ITGB3BP: variants seen among roughly 807,000 people sequenced by gnomAD.
The protein encoded by ITGB3BP is centromere protein R.
ITGB3BP carries 27 observed loss-of-function variants against 29.1 expected under a neutral mutation model. The observed-to-expected ratio is 0.93, with a 90% CI of 0.68 to 1.28. The LOEUF (loss-of-function observed/expected upper bound fraction) is 1.28. ITGB3BP is among the 50% of genes most tolerant of loss of function. The probability of loss-of-function intolerance (pLI) is 0.00; values close to 1 mark genes in which losing one functional copy is unlikely to be tolerated. For synonymous variants in ITGB3BP, 61 were observed against 61.4 expected, an observed-to-expected ratio of 0.99 and a Z score of 0.03; for missense variants, 192 against 200.2, an observed-to-expected ratio of 0.96 and a Z score of 0.25.
At chr1:63,444,644 TCTC>T (rs1481431423) in intron 8 of ITGB3BP, among the ~76,000 whole-genome samples, 6 of 114,680 alleles carry the variant, frequency 5.2e-5, no homozygotes, top group East Asian at 2.9e-4. Flanking sequence ...TATATATATA[TCTC>T]CTATTACAAT....
chr1:63,485,526 A>G (rs1645511465), intron 3 of ITGB3BP, among the ~76,000 whole-genome samples: 1 of 151,618 alleles, frequency 6.6e-6, no homozygotes, highest in Non-Finnish European at 1.5e-5. Flanking sequence ...CTTTATAGTC[A>G]GCAAAACTTG....
At chr1:63,462,163 A>C (rs1188624265) in intron 4 of ITGB3BP, among the ~76,000 whole-genome samples, 1 of 152,200 alleles carries the variant, frequency 6.6e-6, no homozygotes. Context: ...TTCAAAAATG[A>C]ATTGTAGTTT....
intron 7 of ITGB3BP, 168 bp downstream of exon 7, chr1:63,453,750 T>C (rs1644893474): frequency 1.9e-6 from 1 of 530,022 alleles, no homozygotes; most frequent in Non-Finnish European, 3.3e-6. Context: ...CTAAATGCAA[T>C]ATAAAGCTTT....
chr1:63,493,417 A>AAAACAAAC (rs60111018), intron 2 of ITGB3BP, among the ~76,000 whole-genome samples: 426 of 145,582 alleles, frequency 2.9e-3, no homozygotes, highest in East Asian at 0.011. Flanking sequence ...TCTGTCTCAA[A>AAAACAAAC]AAACAAACAA....
At chr1:63,472,891 C>T (rs893406515) in intron 4 of ITGB3BP, among the ~76,000 whole-genome samples, 61 of 152,048 alleles carry the variant, frequency 4.0e-4, no homozygotes, top group African/African-American at 1.3e-3. Context: ...TCTGCCCAGC[C>T]GCCACCCCGT....
chr1:63,454,367 CA>C lies in ITGB3BP; in HGVS notation c.427+12del, dbSNP rs764474456. The C allele has an allele frequency of 2.8e-6, 4 of 1,427,740 alleles. No homozygotes were observed. The African/African-American group carries it at 4.3e-5, about 15-fold the overall frequency. 88.4% of individuals were successfully genotyped at this position (1,427,740 alleles called of 1,614,324 possible). A position where few individuals can be genotyped will look rare whatever the true frequency, so the allele number is the denominator to read the frequency against. On this transcript the variant is annotated intron_variant, in intron 6 of 8. Transcript: ENST00000271002. The surrounding 1 kb of genome is among the most constrained non-coding windows in gnomAD (Gnocchi z 4.1). ...TTTAAAATTACTGTCATTGAAAACT[CA>C]AAAATTCTTACTTAGTTCTTTGGTT...
At chr1:63,452,625 TTTTC>T (rs764398778) in intron 7 of ITGB3BP, among the ~76,000 whole-genome samples, 24 of 15,844 alleles carry the variant, frequency 1.5e-3, no homozygotes, top group African/African-American at 1.6e-3. Context: ...TTTCTTTTTC[TTTTC>T]TTTCTTTTTT....
upstream of ITGB3BP, chr1:63,523,371 C>G: frequency 1.7e-6 from 1 of 594,054 alleles, no homozygotes. Context: ...GCTGGTGTAA[C>G]AGAGCACCTT....
chr1:63,512,221 G>A (rs1038693257), intron 1 of ITGB3BP, among the ~76,000 whole-genome samples: 1 of 152,118 alleles, frequency 6.6e-6, no homozygotes, highest in Non-Finnish European at 1.5e-5. Flanking sequence ...CAATTTTATA[G>A]AGAGAGTAAC....
At chr1:63,447,967 G>A (rs1644809123) in intron 7 of ITGB3BP, among the ~76,000 whole-genome samples, 1 of 151,710 alleles carries the variant, frequency 6.6e-6, no homozygotes, top group Admixed American at 6.6e-5. Context: ...AAGAAAATGT[G>A]GCACATATAC....
At chr1:63,446,087 C>T (rs1351137290) in intron 8 of ITGB3BP, among the ~76,000 whole-genome samples, 2 of 151,848 alleles carry the variant, frequency 1.3e-5, no homozygotes, top group East Asian at 1.9e-4. Context: ...TTAGTAGAGA[C>T]GGGGTTTCAC....
intron 4 of ITGB3BP, among the ~76,000 whole-genome samples, chr1:63,472,812 T>C (rs1367859588): frequency 4.0e-5 from 6 of 151,782 alleles, no homozygotes; most frequent in Admixed American, 6.6e-5. Flanking sequence ...AGTGGCGTGA[T>C]CTCGGCTCGC....
At chr1:63,513,976 T>A (rs2100800127) in intron 1 of ITGB3BP, among the ~76,000 whole-genome samples, 1 of 152,270 alleles carries the variant, frequency 6.6e-6, no homozygotes, top group South Asian at 2.1e-4. Context: ...TCCCTGAAAC[T>A]CACATCCATA....
At chr1:63,481,085 CT>C (rs1645429275) in intron 3 of ITGB3BP, among the ~76,000 whole-genome samples, 1 of 152,048 alleles carries the variant, frequency 6.6e-6, no homozygotes, top group Admixed American at 6.5e-5. Context: ...TACTTTGCTC[CT>C]TTAACTTGTA....
intron 8 of ITGB3BP, among the ~76,000 whole-genome samples, chr1:63,444,467 G>GTCCT (rs1557603816): frequency 1.3e-3 from 13 of 10,026 alleles, no homozygotes; most frequent in African/African-American, 8.1e-3. Flanking sequence ...TTACATATAG[G>GTCCT]ATATATATAT....
intron 4 of ITGB3BP, among the ~76,000 whole-genome samples, chr1:63,477,825 G>C (rs1318499312): frequency 6.6e-6 from 1 of 152,068 alleles, no homozygotes. Flanking sequence ...CACTGAAATG[G>C]TAAATGAGCT....
chr1:63,527,732 A>C (rs1646620192), upstream of ITGB3BP: 1 of 152,192 alleles, frequency 6.6e-6, no homozygotes, highest in Admixed American at 6.5e-5. Flanking sequence ...CTGCTTACTG[A>C]GTACATGTTT....
intron 4 of ITGB3BP, among the ~76,000 whole-genome samples, chr1:63,464,747 AT>A (rs974608913): frequency 6.6e-6 from 1 of 152,240 alleles, no homozygotes; most frequent in African/African-American, 2.4e-5. Flanking sequence ...AATGATTAAA[AT>A]TCATCAATAA....
chr1:63,481,595 G>C (rs905674278), intron 3 of ITGB3BP, among the ~76,000 whole-genome samples: 1 of 152,136 alleles, frequency 6.6e-6, no homozygotes, highest in African/African-American at 2.4e-5. Flanking sequence ...CAAAACATTG[G>C]TGATAAATGT....
Sources: gnomAD v4.1 joint callset for allele counts (sites outside exome capture counted in the v4.1 genomes callset) on GRCh38, gnomAD v4.1.1 for gene constraint, Gnocchi (gnomAD v3.1) non-coding constraint, MANE v1.5 for transcripts, NCBI Gene and HGNC (gene_info 2026-07-23, HGNC 2026-07-21) for gene names.